The following SSBP2 variants were observed in gnomAD, a reference collection of about 807,000 sequenced individuals.
SSBP2 encodes the protein single-stranded DNA-binding protein 2.
A neutral mutation model predicts 61.8 loss-of-function variants in SSBP2; 17 were observed. That is an observed-to-expected ratio of 0.28 (90% CI 0.19 to 0.41). The LOEUF (loss-of-function observed/expected upper bound fraction) is 0.41. Ranked by LOEUF, SSBP2 falls within the 10% of genes least tolerant of loss-of-function variation. SSBP2 has a pLI of 1.00. For missense variants in SSBP2, 310 were observed against 458.7 expected, an observed-to-expected ratio of 0.68 and a Z score of 2.96; for synonymous variants, 139 against 141.3, an observed-to-expected ratio of 0.98 and a Z score of 0.12.
chr5:81,504,316 A>T (rs1333444899), intron 5 of SSBP2, among the ~76,000 whole-genome samples: 1 of 152,194 alleles, frequency 6.6e-6, no homozygotes, highest in African/African-American at 2.4e-5. Flanking sequence ...AGCCAGAATG[A>T]TGCTGTTAAA....
rs548903496 is a variant in SSBP2, at chr5:81,677,511, G to A, written c.63-27172C>T. On this transcript the variant is annotated intron_variant, in intron 1 of 16. Coordinates refer to ENST00000320672, the MANE Select transcript of SSBP2 (RefSeq NM_012446.5). ...ATTGCTGGAGGCTCAGCGTGGACAA[G>A]TCCAAGAGTAAAAAAACTCCACGGG... 3.3e-4 allele frequency among the ~76,000 whole-genome samples: 50 copies of A among 152,208 alleles called. 1 individual carries two copies. The South Asian group carries it at 9.1e-3, about 28-fold the overall frequency.
intron 4 of SSBP2, among the ~76,000 whole-genome samples, chr5:81,563,491 G>C (rs1278641751): frequency 6.6e-6 from 1 of 152,092 alleles, no homozygotes; most frequent in Non-Finnish European, 1.5e-5. Flanking sequence ...ATTGATAAAT[G>C]AAACTTCATC....
chr5:81,528,408 G>A (rs778394040), intron 4 of SSBP2, among the ~76,000 whole-genome samples: 6 of 151,936 alleles, frequency 3.9e-5, no homozygotes, highest in Non-Finnish European at 7.4e-5. Flanking sequence ...AGTCTTAAAG[G>A]ACATTAAAGT....
chr5:81,588,129 C>T (rs993079782), intron 4 of SSBP2, among the ~76,000 whole-genome samples: 2 of 151,916 alleles, frequency 1.3e-5, no homozygotes, highest in Non-Finnish European at 2.9e-5. Context: ...CCATGCCTAG[C>T]TAATTTTAAA....
chr5:81,686,749 G>C (rs77679792), intron 1 of SSBP2, among the ~76,000 whole-genome samples: 1 of 151,364 alleles, frequency 6.6e-6, no homozygotes, highest in Non-Finnish European at 1.5e-5. Context: ...TAGCTACTCA[G>C]GAGGCTGAGA....
At chr5:81,587,759 G>GCA (rs1328492860) in intron 4 of SSBP2, among the ~76,000 whole-genome samples, 2 of 134,030 alleles carry the variant, frequency 1.5e-5, no homozygotes, top group East Asian at 3.3e-4. Context: ...ACACACACGC[G>GCA]CGCGCACACA....
At chr5:81,712,728 G>GTTTTTTTTTTTTTTTTT (rs34642922) in intron 1 of SSBP2, among the ~76,000 whole-genome samples, 1 of 142,238 alleles carries the variant, frequency 7.0e-6, no homozygotes. Context: ...TTGTTTCTTT[G>GTTTTTTTTTTTTTTTTT]TTTTTTTTTT....
intron 2 of SSBP2, among the ~76,000 whole-genome samples, chr5:81,645,810 GAA>G (rs906493510): frequency 5.9e-5 from 9 of 151,952 alleles, no homozygotes; most frequent in African/African-American, 2.2e-4. Flanking sequence ...AAAAAAAAAT[GAA>G]AAGTCACATA....
intron 1 of SSBP2, among the ~76,000 whole-genome samples, chr5:81,728,694 T>C (rs1016820451): frequency 6.6e-5 from 10 of 152,218 alleles, no homozygotes; most frequent in African/African-American, 9.6e-5. Flanking sequence ...CTTACAGATT[T>C]TGTAATAAAT....
chr5:81,514,257 T>C (rs933226851), intron 4 of SSBP2, among the ~76,000 whole-genome samples: 15 of 152,002 alleles, frequency 9.9e-5, no homozygotes, highest in African/African-American at 2.7e-4. Flanking sequence ...CCAAAGTATA[T>C]AGGGTGGTGA....
intron 1 of SSBP2, among the ~76,000 whole-genome samples, chr5:81,727,208 T>C (rs893937957): frequency 2.6e-5 from 4 of 152,190 alleles, no homozygotes; most frequent in African/African-American, 9.7e-5. Context: ...GCCTATAAAG[T>C]AGAATATACT....
At chr5:81,724,083 GCAT>G (rs1009126359) in intron 1 of SSBP2, among the ~76,000 whole-genome samples, 1 of 151,820 alleles carries the variant, frequency 6.6e-6, no homozygotes, top group African/African-American at 2.4e-5. Context: ...AAAAAACACA[GCAT>G]AATACTATGA....
At chr5:81,548,754 C>G (rs1027791202) in intron 4 of SSBP2, among the ~76,000 whole-genome samples, 1 of 152,104 alleles carries the variant, frequency 6.6e-6, no homozygotes, top group African/African-American at 2.4e-5. Context: ...AATCCCGTCT[C>G]TACTAAAAAT....
intron 1 of SSBP2, among the ~76,000 whole-genome samples, chr5:81,725,979 A>G (rs1387817876): frequency 6.6e-6 from 1 of 152,202 alleles, no homozygotes; most frequent in African/African-American, 2.4e-5. Flanking sequence ...AAGAAACAGA[A>G]GATCTTTAGC....
chr5:81,447,037 CTAAT>C, intron 11 of SSBP2, 115 bp from the exon 12 acceptor site: 3 of 678,780 alleles, frequency 4.4e-6, no homozygotes, highest in Non-Finnish European at 4.6e-6. Flanking sequence ...TATATTTTCT[CTAAT>C]TTATTTTCTT....
At chr5:81,468,265 T>C (rs756131739) in intron 8 of SSBP2, among the ~76,000 whole-genome samples, 1 of 152,038 alleles carries the variant, frequency 6.6e-6, no homozygotes, top group Non-Finnish European at 1.5e-5. Flanking sequence ...ATTCTATCTA[T>C]GAAATAGCTC....
At chr5:81,467,569 T>C (rs1764974654) in intron 8 of SSBP2, among the ~76,000 whole-genome samples, 1 of 151,992 alleles carries the variant, frequency 6.6e-6, no homozygotes, top group South Asian at 2.1e-4. Context: ...TAAAAACTAA[T>C]GTATATTCAA....
chr5:81,519,078 T>C (rs966243053), intron 4 of SSBP2, among the ~76,000 whole-genome samples: 4 of 152,130 alleles, frequency 2.6e-5, no homozygotes. Context: ...GTATTATATT[T>C]TTCAAGCTTG....
chr5:81,548,195 T>C (rs1377270141), intron 4 of SSBP2, among the ~76,000 whole-genome samples: 1 of 152,180 alleles, frequency 6.6e-6, no homozygotes, highest in East Asian at 1.9e-4. Context: ...TGAACCCTAA[T>C]GTATATTAGG....
Sources: gnomAD v4.1 joint callset for allele counts (sites outside exome capture counted in the v4.1 genomes callset) on GRCh38, gnomAD v4.1.1 for gene constraint, MANE v1.5 for transcripts, NCBI Gene and HGNC (gene_info 2026-07-23, HGNC 2026-07-21) for gene names.